CTNNA2: variants seen among roughly 807,000 people sequenced by gnomAD.
CTNNA2 encodes the protein catenin alpha 2, also known as catenin alpha-2.
Under a neutral mutation model 101.0 loss-of-function variants are expected in CTNNA2, and 42 were observed. The observed-to-expected ratio is 0.42, with a 90% CI of 0.32 to 0.54. The LOEUF is 0.54. Among genes scored for constraint, CTNNA2 ranks in the 20% least tolerant of loss-of-function variants. The pLI, the probability that CTNNA2 is intolerant of heterozygous loss-of-function variation, is 0.14. For synonymous variants in CTNNA2, 450 were observed against 456.4 expected, an observed-to-expected ratio of 0.99 and a Z score of 0.18; for missense variants, 871 against 1,223.1, an observed-to-expected ratio of 0.71 and a Z score of 4.29.
chr2:79,452,763 A>G (rs2104528344), intron 4 of CTNNA2, among the ~76,000 whole-genome samples: 1 of 152,180 alleles, frequency 6.6e-6, no homozygotes, highest in Middle Eastern at 3.4e-3. Context: ...ACTAGATTGA[A>G]CTGGGCATTC....
At chr2:80,528,428 T>C (rs1340045343) in intron 9 of CTNNA2, among the ~76,000 whole-genome samples, 1 of 152,084 alleles carries the variant, frequency 6.6e-6, no homozygotes, top group Admixed American at 6.5e-5. Flanking sequence ...GATCTCCTGA[T>C]CTCGTGATCT....
chr2:80,120,774 G>T (rs988172398), intron 7 of CTNNA2, among the ~76,000 whole-genome samples: 4 of 152,154 alleles, frequency 2.6e-5, no homozygotes, highest in African/African-American at 9.7e-5. Flanking sequence ...GCTCTTAAGG[G>T]CGTATACCTA....
chr2:80,334,892 A>G (rs1052126511), intron 7 of CTNNA2, among the ~76,000 whole-genome samples: 4 of 152,232 alleles, frequency 2.6e-5, no homozygotes, highest in Non-Finnish European at 5.9e-5. Flanking sequence ...GCACGTGAGA[A>G]TATCATTCCC....
intron 1 of CTNNA2, among the ~76,000 whole-genome samples, chr2:79,648,063 A>G (rs1424671485): frequency 1.3e-5 from 2 of 152,208 alleles, no homozygotes; most frequent in Non-Finnish European, 2.9e-5. Flanking sequence ...TTCTCTTCTC[A>G]TGGAGGTGAG....
chr2:79,998,789 T>A (rs958705235), intron 7 of CTNNA2, among the ~76,000 whole-genome samples: 8 of 152,194 alleles, frequency 5.3e-5, no homozygotes, highest in Admixed American at 5.2e-4. Flanking sequence ...TATGGCCTTC[T>A]AAACTTTTTA....
In CTNNA2 at chr2:79,901,207, T is replaced by C. The variant is rs1685048762; in HGVS notation, c.853-8387T>C. Reference sequence around the variant, plus strand: ...GACTTTGACTAATGTTAACTTTCTCTTTCAGTTTTTTTTTTTTTTAAGATT... The same window carrying C: ...GACTTTGACTAATGTTAACTTTCTCCTTCAGTTTTTTTTTTTTTTAAGATT... On this transcript the variant is annotated intron_variant, in intron 6 of 18. Coordinates refer to ENST00000402739, the MANE Select transcript of CTNNA2 (RefSeq NM_001282597.3). Among the ~76,000 whole-genome samples the C allele has an allele frequency of 4.0e-5, 6 of 150,450 alleles. No homozygotes were observed. The South Asian group carries it at 1.3e-3, about 31-fold the overall frequency.
At chr2:80,254,510 A>C (rs979751847) in intron 7 of CTNNA2, among the ~76,000 whole-genome samples, 1 of 152,172 alleles carries the variant, frequency 6.6e-6, no homozygotes, top group African/African-American at 2.4e-5. Flanking sequence ...CCTTTGAACC[A>C]CATCAGAACA....
At chr2:80,070,392 C>G (rs906583365) in intron 7 of CTNNA2, among the ~76,000 whole-genome samples, 1 of 152,082 alleles carries the variant, frequency 6.6e-6, no homozygotes, top group African/African-American at 2.4e-5. Context: ...CATAAAGCAA[C>G]AGAAATTTGT....
rs528559723 is a variant in CTNNA2 at position 79,287,986 on chromosome 2, A to G, written c.-405-24723A>G. ...TTTAAGCCGGTCGGAAAAGCGCAGT[A>G]TCAGGTGGGAGTGACCCGATTTTCC... On this transcript the variant is annotated intron_variant, in intron 2 of 21. Coordinates refer to the CTNNA2 transcript ENST00000466387. Among the ~76,000 whole-genome samples, 23 of 152,332 alleles carry G rather than the reference A, an allele frequency of 1.5e-4. No individual in the cohort carries two copies. The South Asian group carries it at 4.6e-3, about 30-fold the overall frequency.
At chr2:79,409,504 A>C (rs944098656) in intron 4 of CTNNA2, among the ~76,000 whole-genome samples, 9 of 151,782 alleles carry the variant, frequency 5.9e-5, no homozygotes, top group African/African-American at 2.2e-4. Flanking sequence ...ATCCAGTTTC[A>C]CCTTTCTACA....
At chr2:79,509,917 A>C (rs1040184150), upstream of CTNNA2, among the ~76,000 whole-genome samples, 3 of 152,218 alleles carry the variant, frequency 2.0e-5, no homozygotes, top group African/African-American at 7.2e-5. Flanking sequence ...TGCTCCAAAA[A>C]ATAAAGTCTA....
intron 7 of CTNNA2, among the ~76,000 whole-genome samples, chr2:80,273,311 C>G (rs1673645277): frequency 6.6e-6 from 1 of 152,090 alleles, no homozygotes; most frequent in South Asian, 2.1e-4. Context: ...GTGTTGTCAG[C>G]TTTACCTTCA....
At chr2:79,865,789 G>A (rs1409676523) in intron 4 of CTNNA2, among the ~76,000 whole-genome samples, 3 of 152,146 alleles carry the variant, frequency 2.0e-5, no homozygotes, top group East Asian at 3.9e-4. Flanking sequence ...GCGCGATCTC[G>A]GCTCACTGCA....
Position 80,209,064 on chromosome 2 carries a change from G to A in CTNNA2, c.1057-184147G>A, listed in dbSNP as rs531132553. On this transcript the variant is annotated intron_variant, in intron 7 of 18. Coordinates refer to ENST00000402739, the MANE Select transcript of CTNNA2 (RefSeq NM_001282597.3). ...TTTAAAGTAAATAGAAAATATCATAGTAAGGAGGTAGGAAGACTGAGACAT... is the reference window on the plus strand; with the variant it reads ...TTTAAAGTAAATAGAAAATATCATAATAAGGAGGTAGGAAGACTGAGACAT... Among the ~76,000 whole-genome samples, 43 of 152,224 alleles carry A rather than the reference G, an allele frequency of 2.8e-4. No individual in the cohort carries two copies. In the South Asian group the frequency reaches 8.7e-3, roughly 31 times the overall value.
At chr2:79,795,401 A>T (rs1192773774) in intron 3 of CTNNA2, among the ~76,000 whole-genome samples, 1 of 152,120 alleles carries the variant, frequency 6.6e-6, no homozygotes, top group Non-Finnish European at 1.5e-5. Context: ...GAATTACTAT[A>T]AAAATTCAAA....
intron 4 of CTNNA2, among the ~76,000 whole-genome samples, chr2:79,482,797 T>C (rs1671122710): frequency 6.6e-6 from 1 of 152,122 alleles, no homozygotes; most frequent in Non-Finnish European, 1.5e-5. Context: ...TAGACTAGAA[T>C]AGTGGTTCTC....
rs371288534 is a variant in CTNNA2, at chr2:79,376,254, G to C, written c.-135+2241G>C. Among the ~76,000 whole-genome samples, 34 of 152,246 alleles carry C rather than the reference G, an allele frequency of 2.2e-4. 1 individual carries two copies. The East Asian group carries it at 6.0e-3, about 27-fold the overall frequency. Reference sequence around the variant, plus strand: ...CAAGGAAAAAAGAGCATTACAAAGAGAGAGTGCTTGCAGAAATGAGTAGGA... The same window carrying C: ...CAAGGAAAAAAGAGCATTACAAAGACAGAGTGCTTGCAGAAATGAGTAGGA... On this transcript the variant is annotated intron_variant, in intron 4 of 21. Transcript: ENST00000466387.
chr2:80,486,881 C>T (rs566096078), intron 9 of CTNNA2, among the ~76,000 whole-genome samples: 1 of 152,210 alleles, frequency 6.6e-6, no homozygotes, highest in African/African-American at 2.4e-5. Context: ...TGTCCTTTTT[C>T]AGATCCCGGA....
intron 2 of CTNNA2, among the ~76,000 whole-genome samples, chr2:79,265,656 TA>T (rs1674978186): frequency 6.6e-6 from 1 of 152,306 alleles, no homozygotes; most frequent in Admixed American, 6.5e-5. Context: ...CATATACGTT[TA>T]CAGAATTGTA....
Sources: allele counts gnomAD v4.1 joint callset (sites outside exome capture counted in the v4.1 genomes callset), GRCh38; gene constraint gnomAD v4.1.1; transcripts MANE v1.5; gene names NCBI Gene and HGNC (gene_info 2026-07-23, HGNC 2026-07-21).